Variants in SCAPER observed in about 807,000 individuals in gnomAD.
SCAPER encodes the protein S-phase cyclin A associated protein in the ER.
In SCAPER, 98 loss-of-function variants were observed where a neutral mutation model predicts 182.2. The observed-to-expected ratio is 0.54, with a 90% CI of 0.46 to 0.64. The LOEUF is 0.64. SCAPER is among the 30% of genes least tolerant of loss of function. SCAPER has a pLI of 0.00. For missense variants in SCAPER, 1,432 were observed against 1,690.0 expected (o/e 0.85, Z 2.68); for synonymous variants, 605 against 564.6 (o/e 1.07, Z -1.01).
intron 6 of SCAPER, among the ~76,000 whole-genome samples, chr15:76,801,595 GAA>G (rs1349281546): frequency 6.6e-6 from 1 of 152,162 alleles, no homozygotes; most frequent in East Asian, 1.9e-4. Context: ...ATGAGGCAAA[GAA>G]GAGAAATGCT....
intron 22 of SCAPER, among the ~76,000 whole-genome samples, chr15:76,580,892 A>G (rs1322309975): frequency 6.6e-6 from 1 of 152,170 alleles, no homozygotes; most frequent in Non-Finnish European, 1.5e-5. Flanking sequence ...AAAGATAAAC[A>G]AAATCAACAA....
intron 23 of SCAPER, among the ~76,000 whole-genome samples, chr15:76,522,160 T>G (rs1273629862): frequency 6.6e-6 from 1 of 152,164 alleles, no homozygotes; most frequent in East Asian, 1.9e-4. Flanking sequence ...ACATGGGGAA[T>G]TCTATTCTGA....
intron 8 of SCAPER, among the ~76,000 whole-genome samples, chr15:76,782,334 T>A (rs2064214064): frequency 6.6e-6 from 1 of 152,180 alleles, no homozygotes; most frequent in African/African-American, 2.4e-5. Flanking sequence ...CAAGAAGAGC[T>A]AACTATCCTA....
At chr15:76,630,776 T>C (rs1364710636) in intron 21 of SCAPER, among the ~76,000 whole-genome samples, 1 of 152,200 alleles carries the variant, frequency 6.6e-6, no homozygotes, top group Non-Finnish European at 1.5e-5. Context: ...ATTCTGTTGT[T>C]TTGGGGTAGA....
chr15:76,544,083 C>T (rs1410086181), intron 23 of SCAPER, among the ~76,000 whole-genome samples: 1 of 151,898 alleles, frequency 6.6e-6, no homozygotes, highest in African/African-American at 2.4e-5. Flanking sequence ...TGAAAAGATA[C>T]TCAATATCAT....
intron 24 of SCAPER, among the ~76,000 whole-genome samples, chr15:76,476,021 C>G (rs1335188121): frequency 6.6e-6 from 1 of 152,112 alleles, no homozygotes; most frequent in African/African-American, 2.4e-5. Context: ...GCATGGAAAG[C>G]CTTTTATTCT....
rs575799417 is a variant in SCAPER at position 76,894,663 on chromosome 15, G to A, written c.-60+10636C>T. On this transcript the variant is annotated intron_variant, in intron 1 of 31. Coordinates refer to ENST00000563290, the MANE Select transcript of SCAPER (RefSeq NM_020843.4). ...ACTGAAAAACCTTTAGCTAGACTAA[G>A]AAAAAGAAGACTCAAACAAAATTAC... 5.9e-5 allele frequency among the ~76,000 whole-genome samples: 9 copies of A among 152,032 alleles called. No homozygotes were observed. In the South Asian group the frequency reaches 1.2e-3, roughly 21 times the overall value.
intron 17 of SCAPER, among the ~76,000 whole-genome samples, chr15:76,708,099 A>T (rs2059357434): frequency 6.6e-6 from 1 of 152,172 alleles, no homozygotes; most frequent in South Asian, 2.1e-4. Flanking sequence ...AGGATGTTCA[A>T]ATCCCTTATA....
chr15:76,607,644 TCAGGTA>T (rs2050562828), intron 22 of SCAPER, among the ~76,000 whole-genome samples: 1 of 152,234 alleles, frequency 6.6e-6, no homozygotes, highest in Non-Finnish European at 1.5e-5. Flanking sequence ...CCCGTCACTT[TCAGGTA>T]CACCAATCAG....
intron 31 of SCAPER, chr15:76,349,643 C>T (rs1260586738): frequency 2.6e-5 from 3 of 115,670 alleles, no homozygotes; most frequent in African/African-American, 8.9e-5. Context: ...AAACTGGCAA[C>T]TTAGGCATCA....
intron 3 of SCAPER, among the ~76,000 whole-genome samples, chr15:76,861,227 A>G (rs527698077): frequency 1.3e-5 from 2 of 152,374 alleles, no homozygotes; most frequent in Admixed American, 1.3e-4. Flanking sequence ...CAAAAACAGG[A>G]TATTTACATA....
At chr15:76,506,825 A>G (rs1218698576) in intron 23 of SCAPER, among the ~76,000 whole-genome samples, 1 of 152,134 alleles carries the variant, frequency 6.6e-6, no homozygotes, top group Non-Finnish European at 1.5e-5. Context: ...ATACCATTTC[A>G]GCTATTTTGG....
chr15:76,599,100 G>A (rs2145766130), intron 22 of SCAPER, among the ~76,000 whole-genome samples: 1 of 119,668 alleles, frequency 8.4e-6, no homozygotes, highest in East Asian at 2.2e-4. Flanking sequence ...CACCAAAAAT[G>A]GCAAAATATC....
Position 76,890,778 on chromosome 15 carries a change from G to A in SCAPER, c.-59-6902C>T, listed in dbSNP as rs1027713395. 9.2e-5 allele frequency among the ~76,000 whole-genome samples: 14 copies of A among 152,076 alleles called. No individual in the cohort carries two copies. In the South Asian group the frequency reaches 1.2e-3, roughly 14 times the overall value. The stretch of plus-strand genomic sequence containing the variant: ...GTACCATTCCTTCTGAAACTATTCC[G>A]ATCAATAGAAGAAGAGGGAATCCTC... On this transcript the variant is annotated intron_variant, in intron 1 of 31. Transcript: ENST00000563290.
chr15:76,734,185 T>C (rs1471780), intron 15 of SCAPER, among the ~76,000 whole-genome samples: 58,092 of 152,146 alleles, frequency 0.38, 13,103 homozygotes, highest in Middle Eastern at 0.53. Context: ...GAACTATACA[T>C]TGCATCCTTA....
At chr15:76,502,337 A>C (rs996148935) in intron 24 of SCAPER, among the ~76,000 whole-genome samples, 1 of 152,200 alleles carries the variant, frequency 6.6e-6, no homozygotes, top group Non-Finnish European at 1.5e-5. Flanking sequence ...TCCATCAATG[A>C]TAGACTGGAT....
rs559326409 is a variant in SCAPER, at chr15:76,486,172, A to T, written c.2955-14837T>A. Among the ~76,000 whole-genome samples the T allele has an allele frequency of 2.9e-3, 438 of 152,198 alleles. 3 individuals are homozygous for T. The highest frequency in any genetic ancestry group is 2.5e-3 in the Non-Finnish European group (169 of 68,018). On this transcript the variant is annotated intron_variant, in intron 24 of 31. Transcript: ENST00000563290. ...CAGTGAGCCGAGATCACGCCACTGCACTCCAGCCTGGGCGACAGAGTGAGA... is the reference window on the plus strand; with the variant it reads ...CAGTGAGCCGAGATCACGCCACTGCTCTCCAGCCTGGGCGACAGAGTGAGA...
At chr15:76,594,143 G>A (rs940562700) in intron 22 of SCAPER, among the ~76,000 whole-genome samples, 1 of 119,582 alleles carries the variant, frequency 8.4e-6, no homozygotes, top group African/African-American at 2.5e-5. Context: ...TGATCTGATG[G>A]AGCTGAAAAA....
intron 27 of SCAPER, among the ~76,000 whole-genome samples, chr15:76,402,675 A>G (rs2944379): frequency 0.97 from 147,892 of 152,224 alleles, 71,975 homozygotes; most frequent in East Asian, 1. Flanking sequence ...CAGATGCTCA[A>G]TGTCTTCAGG....
Sources: allele counts gnomAD v4.1 joint callset (sites outside exome capture counted in the v4.1 genomes callset), GRCh38; gene constraint gnomAD v4.1.1; transcripts MANE v1.5; gene names NCBI Gene and HGNC (gene_info 2026-07-23, HGNC 2026-07-21).